CCDC102B: variants seen among roughly 807,000 people sequenced by gnomAD.
CCDC102B encodes coiled-coil domain-containing protein 102B.
A neutral mutation model predicts 57.4 loss-of-function variants in CCDC102B; 75 were observed. That is an observed-to-expected ratio of 1.31 (90% CI 1.08 to 1.58). The LOEUF is 1.58. Ranked by LOEUF, CCDC102B falls within the 40% of genes most tolerant of loss-of-function variation. The probability of loss-of-function intolerance (pLI) is 0.00; values close to 1 mark genes in which losing one functional copy is unlikely to be tolerated. For missense variants in CCDC102B, 636 were observed against 582.6 expected (o/e 1.09, Z -0.94); for synonymous variants, 206 against 201.9 (o/e 1.02, Z -0.17).
intron 6 of CCDC102B, among the ~76,000 whole-genome samples, chr18:68,937,593 C>A (rs2049274730): frequency 6.6e-6 from 1 of 151,948 alleles, no homozygotes; most frequent in Non-Finnish European, 1.5e-5. Flanking sequence ...ATTTATCAAC[C>A]ACCAATGTTT....
At chr18:68,808,229 G>C (rs2036103450) in intron 1 of CCDC102B, among the ~76,000 whole-genome samples, 1 of 151,926 alleles carries the variant, frequency 6.6e-6, no homozygotes, top group Non-Finnish European at 1.5e-5. Flanking sequence ...GAAAGAATTA[G>C]AACAAAACAT....
intron 7 of CCDC102B, among the ~76,000 whole-genome samples, chr18:69,015,755 A>G (rs973866654): frequency 6.6e-6 from 1 of 152,238 alleles, no homozygotes; most frequent in African/African-American, 2.4e-5. Context: ...CAAATTTACA[A>G]AAGTATCTAA....
chr18:68,804,518 CT>C (rs1568259706), intron 1 of CCDC102B, among the ~76,000 whole-genome samples: 4 of 152,104 alleles, frequency 2.6e-5, no homozygotes, highest in Admixed American at 1.3e-4. Context: ...TGTTGGAGCG[CT>C]TGCAGTCAGA....
At chr18:69,000,989 A>G (rs1325412609) in intron 6 of CCDC102B, among the ~76,000 whole-genome samples, 1 of 152,164 alleles carries the variant, frequency 6.6e-6, no homozygotes, top group African/African-American at 2.4e-5. Flanking sequence ...TCCACTACAT[A>G]TAAGTGTTCT....
chr18:69,056,636 AATAGATAGATAGATAG>A (rs71176933), downstream of CCDC102B, among the ~76,000 whole-genome samples: 65 of 121,918 alleles, frequency 5.3e-4, no homozygotes, highest in African/African-American at 1.8e-3. Flanking sequence ...ATAGATAGAT[AATAGATAGATAGATAG>A]ATAGATAGAT....
intron 6 of CCDC102B, among the ~76,000 whole-genome samples, chr18:68,918,645 A>G (rs2041163635): frequency 6.6e-6 from 1 of 152,168 alleles, no homozygotes; most frequent in African/African-American, 2.4e-5. Context: ...ATGTCAAGAA[A>G]CCTGAACAGA....
chr18:68,780,281 A>G (rs1199229248), intron 2 of CCDC102B, among the ~76,000 whole-genome samples: 2 of 151,972 alleles, frequency 1.3e-5, no homozygotes, highest in Non-Finnish European at 2.9e-5. Flanking sequence ...GGTTGTTTCT[A>G]CTTTTTGGCC....
At chr18:68,950,928 CATA>C (rs2049679396) in intron 6 of CCDC102B, among the ~76,000 whole-genome samples, 1 of 151,860 alleles carries the variant, frequency 6.6e-6, no homozygotes, top group Admixed American at 6.6e-5. Context: ...TGTACTTTCA[CATA>C]ATAAAATATA....
chr18:68,923,608 G>A (rs2145116857), intron 6 of CCDC102B, among the ~76,000 whole-genome samples: 1 of 152,140 alleles, frequency 6.6e-6, no homozygotes, highest in East Asian at 1.9e-4. Flanking sequence ...ATGAGAATAT[G>A]TAACAAGAAG....
At chr18:68,725,350 T>A (rs1183263123) in intron 2 of CCDC102B, among the ~76,000 whole-genome samples, 3 of 152,220 alleles carry the variant, frequency 2.0e-5, no homozygotes, top group Admixed American at 1.3e-4. Flanking sequence ...CCCAGTTCAG[T>A]AGATTAGAAA....
At chr18:68,778,091 A>T (rs567185663) in intron 2 of CCDC102B, among the ~76,000 whole-genome samples, 9 of 152,258 alleles carry the variant, frequency 5.9e-5, no homozygotes, top group African/African-American at 2.2e-4. Flanking sequence ...CTACAATCTA[A>T]CAGCAGAACA....
chr18:69,037,704 G>A (rs1414837579), intron 7 of CCDC102B, among the ~76,000 whole-genome samples: 3 of 150,904 alleles, frequency 2.0e-5, no homozygotes, highest in East Asian at 2.0e-4. Flanking sequence ...AATCAGCCTC[G>A]TTTTGTATAG....
chr18:68,875,891 A>G (rs1185962015), intron 5 of CCDC102B, among the ~76,000 whole-genome samples: 3 of 152,208 alleles, frequency 2.0e-5, no homozygotes, highest in East Asian at 1.9e-4. Flanking sequence ...CATCACATCA[A>G]TGCCATCCGT....
chr18:69,037,665 G>C (rs1396166349), intron 7 of CCDC102B, among the ~76,000 whole-genome samples: 1 of 152,012 alleles, frequency 6.6e-6, no homozygotes, highest in African/African-American at 2.4e-5. Flanking sequence ...GGAAGAGAAA[G>C]AGTAAAACAA....
chr18:69,041,550 A>T (rs1599887861), intron 7 of CCDC102B, among the ~76,000 whole-genome samples: 1 of 152,090 alleles, frequency 6.6e-6, no homozygotes, highest in African/African-American at 2.4e-5. Flanking sequence ...TAATGCCCAA[A>T]GCCCTTCCAT....
At chr18:68,948,757 G>A (rs2049610070) in intron 6 of CCDC102B, among the ~76,000 whole-genome samples, 1 of 152,060 alleles carries the variant, frequency 6.6e-6, no homozygotes, top group South Asian at 2.1e-4. Context: ...CATATTTAGT[G>A]AATACCTGGC....
Position 68,961,739 on chromosome 18 carries a change from G to C in CCDC102B, c.1264-49195G>C, listed in dbSNP as rs191681178. Among the ~76,000 whole-genome samples, 6 of 152,064 alleles carry C rather than the reference G, an allele frequency of 3.9e-5. No homozygotes were observed. In the East Asian group the frequency reaches 1.2e-3, roughly 29 times the overall value. On this transcript the variant is annotated intron_variant, in intron 6 of 7. Transcript: ENST00000360242. ...CTCTTAAAAATATTGAATATTCTAT[G>C]CTTGTGAAATTATGTATTTGCTCAT...
intron 6 of CCDC102B, among the ~76,000 whole-genome samples, chr18:69,007,836 T>C (rs2145381008): frequency 6.6e-6 from 1 of 152,342 alleles, no homozygotes; most frequent in African/African-American, 2.4e-5. Flanking sequence ...GGGGTGGAAT[T>C]TGCGTTGACA....
intron 6 of CCDC102B, among the ~76,000 whole-genome samples, chr18:69,006,014 T>C (rs1432444409): frequency 1.3e-5 from 2 of 152,108 alleles, no homozygotes; most frequent in African/African-American, 4.8e-5. Context: ...TCTTCCAAAA[T>C]ATGAATATAT....
Sources: allele counts gnomAD v4.1 joint callset (sites outside exome capture counted in the v4.1 genomes callset), GRCh38; gene constraint gnomAD v4.1.1; transcripts MANE v1.5; gene names NCBI Gene and HGNC (gene_info 2026-07-23, HGNC 2026-07-21).